Variants in PUM1 observed in about 807,000 individuals in gnomAD.
PUM1 encodes the protein pumilio homolog 1.
In PUM1, 13 loss-of-function variants were observed where a neutral mutation model predicts 131.8. That is an observed-to-expected ratio of 0.10 (90% confidence interval 0.06 to 0.16). PUM1 has a LOEUF of 0.16. PUM1 is among the 10% of genes least tolerant of loss of function. PUM1 has a pLI of 1.00. For synonymous variants in PUM1, 509 were observed against 556.5 expected (o/e 0.91, Z 1.20); for missense variants, 961 against 1,512.4 (o/e 0.64, Z 6.05).
intron 1 of PUM1, among the ~76,000 whole-genome samples, chr1:31,064,103 T>C (rs567043118): frequency 6.6e-6 from 1 of 152,220 alleles, no homozygotes; most frequent in East Asian, 1.9e-4. Context: ...TTTTAAAATA[T>C]CACTAATTGA....
intron 20 of PUM1, 57 bp downstream of exon 20, chr1:30,941,093 GT>G: frequency 6.6e-7 from 1 of 1,523,994 alleles, no homozygotes; most frequent in South Asian, 1.2e-5. Context: ...GATAATTATA[GT>G]TCAATACTAC....
chr1:30,943,206 T>C (rs1408496582), intron 18 of PUM1, among the ~76,000 whole-genome samples: 2 of 152,192 alleles, frequency 1.3e-5, no homozygotes, highest in Non-Finnish European at 2.9e-5. Flanking sequence ...ATGATTCCCA[T>C]GTTCATTTAC....
chr1:30,981,680 T>TCTCACA (rs751651133), intron 7 of PUM1, among the ~76,000 whole-genome samples: 10 of 150,968 alleles, frequency 6.6e-5, no homozygotes, highest in South Asian at 2.1e-4. Flanking sequence ...ACACACTCTC[T>TCTCACA]CACACACACA....
intron 9 of PUM1, among the ~76,000 whole-genome samples, chr1:30,977,921 A>C (rs1338477372): frequency 6.6e-6 from 1 of 152,174 alleles, no homozygotes; most frequent in African/African-American, 2.4e-5. Context: ...CCAACTCTAC[A>C]ACATTTAAAT....
At chr1:31,009,782 A>AAAAAAAAAAAAAAAAAC (rs375044466) in intron 3 of PUM1, among the ~76,000 whole-genome samples, 3 of 125,366 alleles carry the variant, frequency 2.4e-5, no homozygotes, top group Admixed American at 1.6e-4. Flanking sequence ...AAAAAAAAAA[A>AAAAAAAAAAAAAAAAAC]AAAAACAAAA....
chr1:31,053,745 C>T (rs1570363418), intron 2 of PUM1, among the ~76,000 whole-genome samples: 6 of 151,358 alleles, frequency 4.0e-5, no homozygotes, highest in Middle Eastern at 3.2e-3. Flanking sequence ...CAAAGTGCTG[C>T]GATTACAGGT....
rs1491459248 is a variant in PUM1, at chr1:30,933,484, A to ACACACACACACACC, written c.3436-143_3436-142insGGTGTGTGTGTGTG. 2.0e-5 allele frequency: 14 copies of ACACACACACACACC among 712,422 alleles called. No homozygotes were observed. The Admixed American group carries it at 2.3e-4, about 11-fold the overall frequency. The allele number at this position is 712,422 out of a possible 1,614,324, so 44.1% of individuals were successfully genotyped here. On this transcript the variant is annotated intron_variant, in intron 21 of 21. Transcript: ENST00000426105. ...CACACACACACACACACACACACAC[A>ACACACACACACACC]CCCCTACAGCAATACCTTTCACTGG...
Position 31,059,282 on chromosome 1 carries a change from TC to T in PUM1, c.284del (p.Gly95GlufsTer34), listed in dbSNP as rs1644318433. On this transcript the variant is annotated frameshift_variant, in exon 2 of 22. Transcript: ENST00000426105. LOFTEE classifies it high-confidence loss of function. ...FQRQHGEQLG[G>X]GGSGGGGYNN... ...TATAGCCGCCTCCTCCACTTCCTCCTCCCCCAAGCTGCTCACCATGCTGCCT... is the reference window on the plus strand; with the variant it reads ...TATAGCCGCCTCCTCCACTTCCTCCTCCCCAAGCTGCTCACCATGCTGCCT... The T allele has an allele frequency of 6.2e-7, 1 of 1,613,656 alleles. No individual in the cohort carries two copies. The highest frequency in any genetic ancestry group is 1.3e-5 in the African/African-American group (1 of 74,854).
intron 1 of PUM1, among the ~76,000 whole-genome samples, 198 bp from the exon 2 acceptor site, chr1:31,059,775 C>T (rs1448812866): frequency 1.3e-5 from 2 of 152,028 alleles, no homozygotes; most frequent in Non-Finnish European, 2.9e-5. Flanking sequence ...CATAGCAATA[C>T]AGAATTAGAC....
intron 3 of PUM1, among the ~76,000 whole-genome samples, chr1:31,010,975 C>G (rs11587257): frequency 0.088 from 13,450 of 152,142 alleles, 827 homozygotes; most frequent in South Asian, 0.16. Flanking sequence ...ACCAACATAG[C>G]GAGACTCTAG....
At chr1:31,057,334 C>A (rs190570266) in intron 2 of PUM1, among the ~76,000 whole-genome samples, 1 of 139,500 alleles carries the variant, frequency 7.2e-6, no homozygotes, top group Admixed American at 7.0e-5. Flanking sequence ...ACCAGGGAGA[C>A]CGTGGTTGCA....
intron 2 of PUM1, among the ~76,000 whole-genome samples, chr1:31,056,980 A>T (rs867092796): frequency 6.6e-6 from 1 of 151,980 alleles, no homozygotes; most frequent in Non-Finnish European, 1.5e-5. Flanking sequence ...TTTAGTAGAG[A>T]CAGGGTTTCA....
chr1:30,984,340 G>A (rs560648971), intron 7 of PUM1, among the ~76,000 whole-genome samples: 165 of 152,256 alleles, frequency 1.1e-3, no homozygotes, highest in African/African-American at 3.8e-3. Flanking sequence ...TGGGTAATTG[G>A]CAAGTGACAG....
chr1:30,945,439 C>T lies in PUM1; in HGVS notation c.2901G>A (p.Val967=). The change falls in exon 18 of 22, where the codon GTG becomes GTA. Residue 967 remains valine (V), a synonymous_variant. Transcript: ENST00000426105. ...CCACGTGATTGCCATTCTGATCTTT[C>T]ACACACTTCAAGACATGGCCATCTA... The part of the protein sequence containing the change: ...RELDGHVLKC[V]KDQNGNHVVQ... The T allele has an allele frequency of 1.2e-6, 2 of 1,614,154 alleles. No individual in the cohort carries two copies. Among genetic ancestry groups the T allele is most frequent in the South Asian group, 2.2e-5 (2 of 91,090 alleles).
rs139963807 is a variant in PUM1 at position 30,984,792 on chromosome 1, T to A, written c.1159-3387A>T. 5.1e-3 allele frequency among the ~76,000 whole-genome samples: 775 copies of A among 152,344 alleles called. 4 individuals are homozygous for A. Among genetic ancestry groups the A allele is most frequent in the East Asian group, 0.032 (166 of 5,196 alleles). ...TAGTTGGCATCTTATAAAAGATAGC[T>A]ACTACTATTATTACTGTTGTTGTTA... On this transcript the variant is annotated intron_variant, in intron 7 of 21. Coordinates refer to ENST00000426105, the MANE Select transcript of PUM1 (RefSeq NM_001020658.2).
At chr1:31,005,821 GAGAT>G in intron 5 of PUM1, 28 bp downstream of exon 5, 1 of 1,430,556 alleles carries the variant, frequency 7.0e-7, no homozygotes, top group Non-Finnish European at 9.4e-7. Context: ...GAGAGAGAGA[GAGAT>G]AGGAACAAGT....
At chr1:31,059,662 C>T in intron 1 of PUM1, 85 bp from the exon 2 acceptor site, 1 of 1,442,078 alleles carries the variant, frequency 6.9e-7, no homozygotes, top group Non-Finnish European at 9.3e-7. Context: ...AACCCCATGT[C>T]TTTTACAATA....
intron 14 of PUM1, among the ~76,000 whole-genome samples, chr1:30,955,100 CAAAAA>C (rs1049954096): frequency 5.3e-5 from 8 of 150,522 alleles, no homozygotes; most frequent in African/African-American, 2.0e-4. Context: ...CAAAAAAAAA[CAAAAA>C]CAAACAAACA....
At chr1:31,062,355 G>A (rs998871427) in intron 1 of PUM1, among the ~76,000 whole-genome samples, 2 of 152,180 alleles carry the variant, frequency 1.3e-5, no homozygotes, top group African/African-American at 2.4e-5. Context: ...GGACACGGTG[G>A]CTTACGCCTG....
Sources: gnomAD v4.1 joint callset for allele counts (sites outside exome capture counted in the v4.1 genomes callset) on GRCh38, gnomAD v4.1.1 for gene constraint, MANE v1.5 for transcripts, NCBI Gene and HGNC (gene_info 2026-07-23, HGNC 2026-07-21) for gene names.